Variants in ADGRV1 observed in about 807,000 individuals in gnomAD.
ADGRV1 encodes G-protein coupled receptor 98.
ADGRV1 carries 359 observed loss-of-function variants against 596.2 expected under a neutral mutation model. The observed-to-expected ratio is 0.60, with a 90% CI of 0.55 to 0.66. The LOEUF is 0.66. Ranked by LOEUF, ADGRV1 falls within the 30% of genes least tolerant of loss-of-function variation. The pLI is 0.00. For missense variants in ADGRV1, 7,274 were observed against 7,575.6 expected (o/e 0.96, Z 1.48); for synonymous variants, 2,681 against 2,679.2 (o/e 1.00, Z -0.02).
intron 84 of ADGRV1, among the ~76,000 whole-genome samples, chr5:90,978,908 T>A (rs539133672): frequency 4.9e-4 from 75 of 152,320 alleles, no homozygotes; most frequent in African/African-American, 1.7e-3. Context: ...ATTAAAATTA[T>A]ATGCAAAGCA....
chr5:91,144,636 G>T (rs533861808), intron 87 of ADGRV1, among the ~76,000 whole-genome samples: 49 of 152,276 alleles, frequency 3.2e-4, no homozygotes, highest in Admixed American at 9.2e-4. Flanking sequence ...CATTTTTTAT[G>T]ATTATAGTAG....
intron 59 of ADGRV1, among the ~76,000 whole-genome samples, chr5:90,769,355 ACTC>A (rs1185167361): frequency 6.6e-6 from 1 of 151,992 alleles, no homozygotes; most frequent in Non-Finnish European, 1.5e-5. Context: ...TCCCAAGAGT[ACTC>A]CCTATTATGT....
At chr5:90,661,595 C>T (rs1017291991) in intron 21 of ADGRV1, among the ~76,000 whole-genome samples, 2 of 152,094 alleles carry the variant, frequency 1.3e-5, no homozygotes, top group Non-Finnish European at 2.9e-5. Flanking sequence ...ATTATTTTTT[C>T]TAAGAAAATA....
Position 90,694,235 on chromosome 5 carries a change from T to G in ADGRV1, c.7479T>G (p.Phe2493Leu), listed in dbSNP as rs767730923. The change falls in exon 33 of 90, where the codon TTT (phenylalanine) becomes TTG (leucine). Residue 2493 changes from phenylalanine (F) to leucine (L), a missense_variant. Coordinates refer to ENST00000405460, the MANE Select transcript of ADGRV1 (RefSeq NM_032119.4). Reference protein sequence around the residue: ...RKNMTRVASLFSGQAVAGSDY... With the variant: ...RKNMTRVASLLSGQAVAGSDY... ...ACATGACCAGGGTAGCATCTCTTTT[T>G]AGTGGTCAGGCTGTGGCTGGGAGTG... 3.7e-6 allele frequency: 6 copies of G among 1,613,936 alleles called. No individual in the cohort carries two copies. The highest frequency in any genetic ancestry group is 5.1e-6 in the Non-Finnish European group (6 of 1,179,860).
chr5:90,758,674 T>A (rs74528551), intron 57 of ADGRV1, among the ~76,000 whole-genome samples: 3,552 of 152,326 alleles, frequency 0.023, 155 homozygotes, highest in African/African-American at 0.081. Context: ...TGTTGTTAAA[T>A]TAAAGATTTT....
At chr5:91,032,382 T>C (rs1158295908) in intron 85 of ADGRV1, among the ~76,000 whole-genome samples, 1 of 152,154 alleles carries the variant, frequency 6.6e-6, no homozygotes, top group Non-Finnish European at 1.5e-5. Context: ...GCTATTGTGA[T>C]GTAAAGGCAA....
Position 90,784,061 on chromosome 5 carries a change from G to T in ADGRV1, c.13653+4G>T. The T allele has an allele frequency of 1.3e-6, 2 of 1,586,016 alleles. No individual in the cohort carries two copies. Among genetic ancestry groups the T allele is most frequent in the East Asian group, 2.2e-5 (1 of 44,618 alleles). On this transcript the variant is annotated splice_donor_region_variant and intron_variant, in intron 67 of 89. Transcript: ENST00000405460. ...AGGACTCTTGGGAGAGATTCAGGTA[G>T]ATTTATGTTCCCCATGACTTTAAAT...
intron 76 of ADGRV1, among the ~76,000 whole-genome samples, chr5:90,826,678 A>G (rs1326872481): frequency 8.5e-5 from 13 of 152,090 alleles, no homozygotes; most frequent in Admixed American, 8.5e-4. Flanking sequence ...CTTGAGTAAT[A>G]ACTACATCAA....
intron 21 of ADGRV1, among the ~76,000 whole-genome samples, chr5:90,659,663 A>C (rs1294397631): frequency 1.3e-5 from 2 of 152,216 alleles, no homozygotes; most frequent in South Asian, 4.1e-4. Context: ...AAAGACTAGT[A>C]AAATCCTCTT....
chr5:91,090,087 G>C (rs1790252989), intron 86 of ADGRV1, among the ~76,000 whole-genome samples: 2 of 152,134 alleles, frequency 1.3e-5, no homozygotes, highest in Non-Finnish European at 2.9e-5. Flanking sequence ...GAAATGTGTA[G>C]AAAATTACTA....
chr5:90,807,480 T>G, intron 72 of ADGRV1, 122 bp from the exon 73 acceptor site: 3 of 966,518 alleles, frequency 3.1e-6, no homozygotes, highest in Non-Finnish European at 4.4e-6. Flanking sequence ...AAAAATGTTT[T>G]ACCTTTTGTG....
intron 83 of ADGRV1, among the ~76,000 whole-genome samples, chr5:90,947,080 A>C (rs1015505821): frequency 6.6e-6 from 1 of 152,142 alleles, no homozygotes; most frequent in Non-Finnish European, 1.5e-5. Flanking sequence ...TTCCCACTAA[A>C]TGTAAATTAT....
At chr5:90,918,014 C>T (rs1011602070) in intron 83 of ADGRV1, among the ~76,000 whole-genome samples, 3 of 152,042 alleles carry the variant, frequency 2.0e-5, no homozygotes, top group Admixed American at 1.3e-4. Context: ...TGAGAATGAG[C>T]TGCAAAAGGA....
At chr5:90,918,369 C>A (rs1773572326) in intron 83 of ADGRV1, among the ~76,000 whole-genome samples, 1 of 152,094 alleles carries the variant, frequency 6.6e-6, no homozygotes, top group Non-Finnish European at 1.5e-5. Flanking sequence ...TTCCCAGTGG[C>A]CAGATCTGTT....
At chr5:90,794,000 C>T (rs143787901) in intron 70 of ADGRV1, among the ~76,000 whole-genome samples, 22 of 152,296 alleles carry the variant, frequency 1.4e-4, no homozygotes, top group Admixed American at 3.9e-4. Context: ...AAACCAAAGA[C>T]AAGATTTTTT....
At chr5:90,881,156 A>T (rs1367207826) in intron 83 of ADGRV1, among the ~76,000 whole-genome samples, 1 of 152,188 alleles carries the variant, frequency 6.6e-6, no homozygotes, top group Non-Finnish European at 1.5e-5. Context: ...AATTGATGGA[A>T]TATTTTGTAT....
chr5:90,936,400 T>A (rs1278187092), intron 83 of ADGRV1, among the ~76,000 whole-genome samples: 2 of 152,154 alleles, frequency 1.3e-5, no homozygotes, highest in African/African-American at 4.8e-5. Context: ...TTAGGATTTT[T>A]AAAAAATGAC....
chr5:90,949,237 C>T, intron 83 of ADGRV1, among the ~76,000 whole-genome samples: 1 of 152,022 alleles, frequency 6.6e-6, no homozygotes, highest in East Asian at 1.9e-4. Flanking sequence ...ATGAGAGAGC[C>T]TTGCAAGGTG....
At chr5:90,801,132 G>A (rs1761329030) in intron 70 of ADGRV1, among the ~76,000 whole-genome samples, 2 of 152,122 alleles carry the variant, frequency 1.3e-5, no homozygotes, top group African/African-American at 4.8e-5. Flanking sequence ...ATGCAGTCTT[G>A]GATTACGGAA....
Sources: allele counts gnomAD v4.1 joint callset (sites outside exome capture counted in the v4.1 genomes callset), GRCh38; gene constraint gnomAD v4.1.1; transcripts MANE v1.5; gene names NCBI Gene and HGNC (gene_info 2026-07-23, HGNC 2026-07-21).